LTA4H: variants seen among roughly 807,000 people sequenced by gnomAD.
LTA4H encodes the protein leukotriene A-4 hydrolase.
Under a neutral mutation model 89.8 loss-of-function variants are expected in LTA4H, and 59 were observed. The ratio of observed to expected loss-of-function variants is 0.66; its 90% CI spans 0.53 to 0.82. The LOEUF (loss-of-function observed/expected upper bound fraction) is 0.82. LTA4H is among the 40% of genes least tolerant of loss of function. LTA4H has a pLI of 0.00. For synonymous variants in LTA4H, 227 were observed against 253.1 expected (o/e 0.90, Z 0.98); for missense variants, 617 against 727.0 (o/e 0.85, Z 1.74).
chr12:96,026,550 C>T (rs1950515275), intron 3 of LTA4H, among the ~76,000 whole-genome samples: 2 of 152,180 alleles, frequency 1.3e-5, no homozygotes, highest in African/African-American at 4.8e-5. Context: ...TTGCGTAGAA[C>T]ATTTCATCTC....
At chr12:96,029,229 C>T in intron 1 of LTA4H, 44 bp from the exon 2 acceptor site, 1 of 1,165,272 alleles carries the variant, frequency 8.6e-7, no homozygotes, top group Non-Finnish European at 1.2e-6. Flanking sequence ...GTTTCATTTA[C>T]CAGAAAAAAC....
intron 1 of LTA4H, 32 bp from the exon 2 acceptor site, chr12:96,029,217 T>C (rs550271428): frequency 5.4e-6 from 7 of 1,295,370 alleles, no homozygotes; most frequent in Middle Eastern, 2.6e-4. Flanking sequence ...AGTAAGAAAA[T>C]AGTTTCATTT....
upstream of LTA4H, among the ~76,000 whole-genome samples, chr12:96,037,692 C>CTT (rs1205832896): frequency 0.012 from 1,362 of 114,094 alleles, 51 homozygotes; most frequent in African/African-American, 0.037. Context: ...ATTGAGAAAG[C>CTT]TTTTTTTTTT....
rs1162647922 is a variant in LTA4H, at chr12:96,003,078, T to C, written c.1614-14A>G. 3 of 1,553,646 alleles carry C rather than the reference T, an allele frequency of 1.9e-6. No individual in the cohort carries two copies. The highest frequency in any genetic ancestry group is 2.6e-6 in the Non-Finnish European group (3 of 1,137,110). ...AGCCGCAGCCATCTAAAAGGAGGATTTGGGGGGAGCATGGAGTAGAAAATG... is the reference window on the plus strand; with the variant it reads ...AGCCGCAGCCATCTAAAAGGAGGATCTGGGGGGAGCATGGAGTAGAAAATG... On this transcript the variant is annotated splice_polypyrimidine_tract_variant and intron_variant, in intron 17 of 18. Coordinates refer to ENST00000228740, the MANE Select transcript of LTA4H (RefSeq NM_000895.3).
upstream of LTA4H, among the ~76,000 whole-genome samples, chr12:96,038,555 T>G (rs1227804632): frequency 6.6e-6 from 1 of 151,716 alleles, no homozygotes; most frequent in African/African-American, 2.4e-5. Context: ...AATTTTTATA[T>G]TTTTTTAGAG....
rs756090696 is a variant in LTA4H, at chr12:96,000,972, C to A, written c.*17G>T. The stretch of plus-strand genomic sequence containing the variant: ...TTTAAAAAAGAGAAATCTCTAAAAT[C>A]ATCAATACGCAGGTCTTTAATCCAC... On this transcript the variant is annotated 3_prime_UTR_variant, in exon 19 of 19. Coordinates refer to ENST00000228740, the MANE Select transcript of LTA4H (RefSeq NM_000895.3). The A allele has an allele frequency of 4.1e-6, 6 of 1,458,970 alleles. No individual in the cohort carries two copies. Among genetic ancestry groups the A allele is most frequent in the South Asian group, 1.1e-5 (1 of 87,604 alleles). The allele number at this position is 1,458,970 out of a possible 1,614,324, so 90.4% of individuals were successfully genotyped here. A position where few individuals can be genotyped will look rare whatever the true frequency, so the allele number is the denominator to read the frequency against.
chr12:96,001,630 T>C, intron 18 of LTA4H, among the ~76,000 whole-genome samples: 1 of 152,148 alleles, frequency 6.6e-6, no homozygotes, highest in East Asian at 1.9e-4. Context: ...AAAATTTATA[T>C]AGAATTTCTG....
chr12:96,040,196 G>A (rs1950677783), upstream of LTA4H, among the ~76,000 whole-genome samples: 1 of 152,188 alleles, frequency 6.6e-6, no homozygotes, highest in African/African-American at 2.4e-5. Flanking sequence ...TCAAGGCGTG[G>A]GGCCAGAAGT....
At chr12:96,041,888 A>G (rs2367871) in intron 1 of LTA4H, among the ~76,000 whole-genome samples, 83,605 of 151,514 alleles carry the variant, frequency 0.55, 23,220 homozygotes, top group South Asian at 0.57. Context: ...TGATCCGCCC[A>G]CCTCAGCCTC....
chr12:96,016,985 G>A, intron 10 of LTA4H, 59 bp downstream of exon 10: 1 of 1,078,460 alleles, frequency 9.3e-7, no homozygotes, highest in African/African-American at 1.6e-5. Context: ...AGTGGTAGGA[G>A]GCAGGGAAAA....
intron 1 of LTA4H, 30 bp from the exon 2 acceptor site, chr12:96,029,215 AAT>A: frequency 7.6e-7 from 1 of 1,323,572 alleles, no homozygotes; most frequent in African/African-American, 1.5e-5. Context: ...ATAGTAAGAA[AAT>A]AGTTTCATTT....
chr12:96,024,589 C>A, intron 3 of LTA4H, 42 bp from the exon 4 acceptor site: 1 of 1,220,220 alleles, frequency 8.2e-7, no homozygotes, highest in African/African-American at 1.5e-5. Flanking sequence ...ATTTATCTTT[C>A]GCATAAGTCA....
chr12:96,003,870 G>A lies in LTA4H; in HGVS notation c.1581C>T (p.Phe527=). ...GTATTTCAGAATTGTTAATGGCATT[G>A]AAGTTGTACACCTCTTGCATTCGCT... The part of the protein sequence containing the change: ...HIKRMQEVYN[F]NAINNSEIRF... The change falls in exon 17 of 19, where the codon TTC becomes TTT. Residue 527 remains phenylalanine (F), a synonymous_variant. Transcript: ENST00000228740. 3.1e-6 allele frequency: 5 copies of A among 1,610,554 alleles called. No individual in the cohort carries two copies. The highest frequency in any genetic ancestry group is 4.2e-6 in the Non-Finnish European group (5 of 1,178,188).
In LTA4H at chr12:96,024,919, C is replaced by T. The variant is rs919763965; in HGVS notation, c.412-372G>A. Among the ~76,000 whole-genome samples, 39 of 152,178 alleles carry T rather than the reference C, an allele frequency of 2.6e-4. 1 individual carries two copies. The highest frequency in any genetic ancestry group is 2.6e-3 in the Admixed American group (39 of 15,288). On this transcript the variant is annotated intron_variant, in intron 3 of 18. Transcript: ENST00000228740. ...CCAACTTCAGGTGATCTGCCCACCT[C>T]GGCCTCCCAAAGTGCAGGGATTACA...
intron 16 of LTA4H, among the ~76,000 whole-genome samples, chr12:96,004,457 A>C (rs555204986): frequency 6.6e-6 from 1 of 152,206 alleles, no homozygotes; most frequent in Non-Finnish European, 1.5e-5. Context: ...TAGGGGGAAA[A>C]TACACTTACT....
chr12:96,040,905 G>A (rs1566021825), intron 1 of LTA4H, among the ~76,000 whole-genome samples: 1 of 152,114 alleles, frequency 6.6e-6, no homozygotes, highest in Non-Finnish European at 1.5e-5. Context: ...CCACATTATC[G>A]TGGACAGATC....
intron 3 of LTA4H, among the ~76,000 whole-genome samples, chr12:96,024,887 C>T (rs756060790): frequency 6.6e-6 from 1 of 152,120 alleles, no homozygotes; most frequent in Non-Finnish European, 1.5e-5. Context: ...AGGCTGGTCT[C>T]GAACTCCCAA....
At position 96,024,392 on chromosome 12, in the gene LTA4H, G is replaced by A. The variant is rs1356934481; in HGVS notation, c.480+87C>T. ...ATTAAGAAAAATAATTCTAGCTCTAGGAATTCAATTATCATCTCTGCTTAT... is the reference window on the plus strand; with the variant it reads ...ATTAAGAAAAATAATTCTAGCTCTAAGAATTCAATTATCATCTCTGCTTAT... On this transcript the variant is annotated intron_variant, in intron 4 of 18. Transcript: ENST00000228740. The A allele has an allele frequency of 4.6e-5, 35 of 759,264 alleles. No individual in the cohort carries two copies. In the Admixed American group the frequency reaches 8.0e-4, roughly 17 times the overall value. 47.0% of individuals were successfully genotyped at this position (759,264 alleles called of 1,614,324 possible).
In LTA4H at chr12:96,017,511, G is replaced by A. The variant is rs373969387; in HGVS notation, c.876+46C>T. On this transcript the variant is annotated intron_variant, in intron 9 of 18. Transcript: ENST00000228740. Reference sequence around the variant, plus strand: ...AAGGGATATTTTAAAATCAGTTGACGTAATACTTCTTGAAGGTAAGGCCAT... The same window carrying A: ...AAGGGATATTTTAAAATCAGTTGACATAATACTTCTTGAAGGTAAGGCCAT... The A allele has an allele frequency of 1.5e-4, 229 of 1,521,986 alleles. 1 individual carries two copies. In the Admixed American group the frequency reaches 3.3e-3, roughly 22 times the overall value. The allele number at this position is 1,521,986 out of a possible 1,614,324, so 94.3% of individuals were successfully genotyped here.
Sources: allele counts gnomAD v4.1 joint callset (sites outside exome capture counted in the v4.1 genomes callset), GRCh38; gene constraint gnomAD v4.1.1; transcripts MANE v1.5; gene names NCBI Gene and HGNC (gene_info 2026-07-23, HGNC 2026-07-21).